Variants in CLCA1 observed in about 807,000 individuals in gnomAD.
CLCA1 encodes the protein chloride channel accessory 1.
A neutral mutation model predicts 85.6 loss-of-function variants in CLCA1; 59 were observed. That is an observed-to-expected ratio of 0.69 (90% CI 0.56 to 0.86). The LOEUF (loss-of-function observed/expected upper bound fraction) is 0.86. Ranked by LOEUF, CLCA1 falls within the 40% of genes least tolerant of loss-of-function variation. The probability of loss-of-function intolerance (pLI) is 0.00; values close to 1 mark genes in which losing one functional copy is unlikely to be tolerated. For missense variants in CLCA1, 1,022 were observed against 1,101.4 expected (o/e 0.93, Z 1.02); for synonymous variants, 396 against 398.3 (o/e 0.99, Z 0.07).
chr1:86,497,987 A>T (rs1454399318), intron 12 of CLCA1, among the ~76,000 whole-genome samples: 1 of 152,092 alleles, frequency 6.6e-6, no homozygotes, highest in African/African-American at 2.4e-5. Context: ...TACTAAAAAT[A>T]CAAAAATTAG....
chr1:86,472,587 T>A (rs1258714095), intron 1 of CLCA1, among the ~76,000 whole-genome samples: 2 of 152,134 alleles, frequency 1.3e-5, no homozygotes, highest in African/African-American at 4.8e-5. Context: ...CTCTCCCTAC[T>A]CTCTCGTCAT....
chr1:86,487,315 T>G (rs1214238614), intron 7 of CLCA1, among the ~76,000 whole-genome samples: 1 of 152,224 alleles, frequency 6.6e-6, no homozygotes, highest in African/African-American at 2.4e-5. Context: ...TGATGTGCTG[T>G]ACCAAACCCT....
In CLCA1 at chr1:86,473,601, AAC is replaced by A. The variant is rs1176536255; in HGVS notation, c.303+45_303+46del. On this transcript the variant is annotated intron_variant, in intron 2 of 13. Transcript: ENST00000394711. Reference sequence around the variant, plus strand: ...TCTTTAAAATTCCACTTTCTCCTGTAACCAAGATTTTTTAAAATCAAAATATT... The same window carrying A: ...TCTTTAAAATTCCACTTTCTCCTGTACAAGATTTTTTAAAATCAAAATATT... 2.0e-6 allele frequency: 3 copies of A among 1,518,576 alleles called. No individual in the cohort carries two copies. In the African/African-American group the frequency reaches 4.2e-5, roughly 21 times the overall value. 94.1% of individuals were successfully genotyped at this position (1,518,576 alleles called of 1,614,324 possible). A position where few individuals can be genotyped will look rare whatever the true frequency, so the allele number is the denominator to read the frequency against.
rs1026507733 is a variant in CLCA1, at chr1:86,493,564, A to C, written c.1645A>C (p.Lys549Gln). 15 of 1,614,004 alleles carry C rather than the reference A, an allele frequency of 9.3e-6. No individual in the cohort carries two copies. Residue 549 changes from lysine (K) to glutamine (Q), a missense_variant, in exon 10 of 14, where the codon AAA becomes CAA. By Grantham distance (53) the Lys-to-Gln change is moderately conservative (BLOSUM62 1). Transcript: ENST00000394711. ...QGGFVVDKNTKMAYLQIPGIA... is the reference protein window; with the variant it reads ...QGGFVVDKNTQMAYLQIPGIA... ...TGGCTTTGTAGTGGACAAAAACACC[A>C]AAATGGCCTACCTCCAAATCCCAGG...
intron 8 of CLCA1, among the ~76,000 whole-genome samples, chr1:86,490,266 G>T (rs1008089921): frequency 6.6e-5 from 10 of 152,228 alleles, no homozygotes; most frequent in Admixed American, 6.5e-4. Context: ...GCCTAGAGCA[G>T]CTGGGAAGAG....
chr1:86,469,194 A>AC, intron 1 of CLCA1, 61 bp downstream of exon 1: 2 of 1,236,322 alleles, frequency 1.6e-6, no homozygotes, highest in Middle Eastern at 4.0e-4. Context: ...GATAGAGAGA[A>AC]CATGAGTGCC....
intron 4 of CLCA1, among the ~76,000 whole-genome samples, chr1:86,480,752 C>G (rs1162026196): frequency 6.6e-6 from 1 of 152,186 alleles, no homozygotes; most frequent in Non-Finnish European, 1.5e-5. Flanking sequence ...AAGTTATTGT[C>G]AGCAGGATGA....
At chr1:86,495,055 C>A (rs1319924283) in intron 11 of CLCA1, among the ~76,000 whole-genome samples, 8 of 138,776 alleles carry the variant, frequency 5.8e-5, no homozygotes, top group South Asian at 2.4e-4. Flanking sequence ...AAAAAAAAAA[C>A]ATGTCTGCTT....
chr1:86,481,053 G>A (rs543100396), intron 4 of CLCA1, among the ~76,000 whole-genome samples: 16 of 152,276 alleles, frequency 1.1e-4, no homozygotes, highest in African/African-American at 3.4e-4. Flanking sequence ...GACAAATTGG[G>A]AGGGGAAACT....
chr1:86,475,291 G>A (rs1489187190), intron 3 of CLCA1, among the ~76,000 whole-genome samples: 3 of 152,132 alleles, frequency 2.0e-5, no homozygotes, highest in African/African-American at 7.2e-5. Context: ...CCAATCCTTA[G>A]TGTGGGATAC....
rs774416063 is a variant in CLCA1, at chr1:86,473,449, T to C, written c.195T>C (p.Leu65=). Residue 65 remains leucine, a synonymous_variant, in exon 2 of 14, where the codon CTT becomes CTC. Coordinates refer to ENST00000394711, the MANE Select transcript of CLCA1 (RefSeq NM_001285.4). ...TGACCCAGGCATCTCTGTATCTGCT[T>C]GAAGCTACAGGAAAGCGATTTTATT... ...DMVTQASLYL[L]EATGKRFYFK... is the part of the protein sequence containing the mutation. The C allele has an allele frequency of 1.2e-6, 2 of 1,604,234 alleles. No homozygotes were observed. Among genetic ancestry groups the C allele is most frequent in the South Asian group, 1.1e-5 (1 of 90,504 alleles).
intron 1 of CLCA1, among the ~76,000 whole-genome samples, chr1:86,471,751 G>A (rs2101726517): frequency 6.6e-6 from 1 of 152,118 alleles, no homozygotes; most frequent in African/African-American, 2.4e-5. Flanking sequence ...AAATCATTAA[G>A]AACACTTAAA....
Position 86,489,138 on chromosome 1 carries a change from C to G in CLCA1, c.1325C>G (p.Ala442Gly). The G allele has an allele frequency of 6.2e-7, 1 of 1,614,006 alleles. No individual in the cohort carries two copies. Among genetic ancestry groups the G allele is most frequent in the Non-Finnish European group, 8.5e-7 (1 of 1,179,996 alleles). The change falls in exon 8 of 14, where the codon GCT becomes GGT. Residue 442 changes from alanine (A) to glycine (G), a missense_variant. By Grantham distance (60) the Ala-to-Gly change is moderately conservative. Transcript: ENST00000394711. Reference sequence around the variant, plus strand: ...ACAGTCGCTTTGGGGCCCTCTGCAGCTCAAGAACTAGAGGAGCTGTCCAAA... The same window carrying G: ...ACAGTCGCTTTGGGGCCCTCTGCAGGTCAAGAACTAGAGGAGCTGTCCAAA... Reference protein sequence around the residue: ...IHTVALGPSAAQELEELSKMT... With the variant: ...IHTVALGPSAGQELEELSKMT...
At chr1:86,486,444 A>T in intron 6 of CLCA1, 82 bp from the exon 7 acceptor site, 1 of 1,267,002 alleles carries the variant, frequency 7.9e-7, no homozygotes, top group Non-Finnish European at 1.1e-6. Flanking sequence ...TAAGGCAGCC[A>T]CTTCCAAATT....
In CLCA1 at chr1:86,473,750, T is replaced by C. The variant is rs1647564576; in HGVS notation, c.325T>C (p.Ser109Pro). Reference sequence around the variant, plus strand: ...TCAGGCTGATGTTCTGGTTGCTGAGTCTACTCCTCCAGGTAATGATGAACC... The same window carrying C: ...TCAGGCTGATGTTCTGGTTGCTGAGCCTACTCCTCCAGGTAATGATGAACC... ...YKNADVLVAE[S>P]TPPGNDEPYT... Residue 109 changes from serine (S) to proline (P), a missense_variant, in exon 3 of 14, where the codon TCT becomes CCT. Transcript: ENST00000394711. The C allele has an allele frequency of 6.3e-7, 1 of 1,587,216 alleles. No homozygotes were observed. The highest frequency in any genetic ancestry group is 1.9e-5 in the Admixed American group (1 of 54,018).
chr1:86,472,905 A>G (rs954359743), intron 1 of CLCA1, among the ~76,000 whole-genome samples: 2 of 152,186 alleles, frequency 1.3e-5, no homozygotes, highest in African/African-American at 4.8e-5. Context: ...TTTTCTCTTC[A>G]TTACTACTTG....
intron 1 of CLCA1, among the ~76,000 whole-genome samples, chr1:86,470,631 T>C (rs1357871947): frequency 2.0e-5 from 3 of 152,254 alleles, no homozygotes; most frequent in Non-Finnish European, 4.4e-5. Context: ...TAAATTGTCT[T>C]TCCAGTATGG....
In CLCA1 at chr1:86,499,839, G is replaced by T; in HGVS notation, c.2539G>T (p.Val847Phe). 2 of 1,613,086 alleles carry T rather than the reference G, an allele frequency of 1.2e-6. No homozygotes were observed. The highest frequency in any genetic ancestry group is 1.7e-6 in the Non-Finnish European group (2 of 1,179,032). ...AGATCTTTTCATTGCTATTCAGGCT[G>T]TTGATAAGGTCGATCTGAAATCAGA... is the stretch of plus-strand genomic sequence containing the variant. ...GTDLFIAIQA[V>F]DKVDLKSEIS... The change falls in exon 14 of 14, where the codon GTT becomes TTT. Residue 847 changes from valine to phenylalanine, a missense_variant. Coordinates refer to ENST00000394711, the MANE Select transcript of CLCA1 (RefSeq NM_001285.4).
At chr1:86,488,779 T>C (rs1648054856) in intron 7 of CLCA1, among the ~76,000 whole-genome samples, 1 of 152,168 alleles carries the variant, frequency 6.6e-6, no homozygotes, top group Non-Finnish European at 1.5e-5. Context: ...CGTCCCTCTC[T>C]GCAGCAGACC....
Sources: gnomAD v4.1 joint callset for allele counts (sites outside exome capture counted in the v4.1 genomes callset) on GRCh38, gnomAD v4.1.1 for gene constraint, MANE v1.5 for transcripts, NCBI Gene and HGNC (gene_info 2026-07-23, HGNC 2026-07-21) for gene names.